C8A: variants seen among roughly 807,000 people sequenced by gnomAD.
C8A encodes the protein complement C8 alpha chain, also known as complement component C8 alpha chain.
A neutral mutation model predicts 65.3 loss-of-function variants in C8A; 67 were observed. That is an observed-to-expected ratio of 1.03 (90% CI 0.84 to 1.26). The LOEUF is 1.26. Among genes scored for constraint, C8A ranks in the 50% most tolerant of loss-of-function variants. The pLI, the probability that C8A is intolerant of heterozygous loss-of-function variation, is 0.00. For missense variants in C8A, 781 were observed against 723.9 expected, an observed-to-expected ratio of 1.08 and a Z score of -0.90; for synonymous variants, 290 against 259.4, an observed-to-expected ratio of 1.12 and a Z score of -1.13.
At chr1:56,858,077 C>T (rs985592013) in intron 1 of C8A, among the ~76,000 whole-genome samples, 1 of 152,122 alleles carries the variant, frequency 6.6e-6, no homozygotes, top group African/African-American at 2.4e-5. Flanking sequence ...TTAAATGTCT[C>T]ATTTGGTACC....
rs576319352 is a variant in C8A, at chr1:56,871,015, C to A, written c.171+3313C>A. 2.0e-5 allele frequency among the ~76,000 whole-genome samples: 3 copies of A among 152,232 alleles called. No individual in the cohort carries two copies. In the East Asian group the frequency reaches 5.8e-4, roughly 29 times the overall value. On this transcript the variant is annotated intron_variant, in intron 2 of 10. Coordinates refer to ENST00000361249, the MANE Select transcript of C8A (RefSeq NM_000562.3). ...TATTGGCACCAACCTTCCTGCCACA[C>A]AAATATCTTCATTATTTGATAGCAA...
intron 3 of C8A, 85 bp from the exon 4 acceptor site, chr1:56,875,977 T>C (rs1644194246): frequency 6.5e-7 from 1 of 1,530,280 alleles, no homozygotes. Flanking sequence ...GGTTTATTTC[T>C]GAGGAAGAAA....
At chr1:56,892,579 A>G (rs1644356270) in intron 7 of C8A, among the ~76,000 whole-genome samples, 1 of 151,886 alleles carries the variant, frequency 6.6e-6, no homozygotes, top group African/African-American at 2.4e-5. Flanking sequence ...TCCACAATCC[A>G]TCCCTTTCTC....
chr1:56,906,082 C>G (rs1315562839), intron 7 of C8A, among the ~76,000 whole-genome samples: 1 of 152,168 alleles, frequency 6.6e-6, no homozygotes, highest in Non-Finnish European at 1.5e-5. Flanking sequence ...TCTAGCAAGA[C>G]TTTGGCCTCT....
chr1:56,874,694 A>G (rs1210795528), intron 2 of C8A, among the ~76,000 whole-genome samples: 3 of 152,206 alleles, frequency 2.0e-5, no homozygotes, highest in Non-Finnish European at 2.9e-5. Context: ...AGCAAGTAGG[A>G]AGACCCTAGA....
At chr1:56,908,786 A>C (rs1453032932) in intron 9 of C8A, among the ~76,000 whole-genome samples, 1 of 152,232 alleles carries the variant, frequency 6.6e-6, no homozygotes, top group Non-Finnish European at 1.5e-5. Context: ...CATATAGCTC[A>C]GAGGTGGCAA....
intron 7 of C8A, among the ~76,000 whole-genome samples, chr1:56,897,862 C>G (rs1644398209): frequency 6.6e-6 from 1 of 152,124 alleles, no homozygotes; most frequent in African/African-American, 2.4e-5. Context: ...TCTGGGAACA[C>G]AGGGGTGAGA....
intron 10 of C8A, among the ~76,000 whole-genome samples, chr1:56,913,651 C>A (rs2772090): frequency 6.6e-6 from 1 of 152,090 alleles, no homozygotes; most frequent in East Asian, 1.9e-4. Flanking sequence ...TTTTCAGGCA[C>A]ATAAAACTGT....
At chr1:56,900,764 C>T (rs568265176) in intron 7 of C8A, among the ~76,000 whole-genome samples, 90 of 152,316 alleles carry the variant, frequency 5.9e-4, no homozygotes, top group African/African-American at 1.7e-3. Flanking sequence ...AGCCAATCCC[C>T]AAGCCCTCCT....
At position 56,898,767 on chromosome 1, in the gene C8A, T is replaced by A. The variant is rs115856424; in HGVS notation, c.1097-7900T>A. On this transcript the variant is annotated intron_variant, in intron 7 of 10. Coordinates refer to ENST00000361249, the MANE Select transcript of C8A (RefSeq NM_000562.3). ...ATTGAGCATGGCCCACAGCAGAGAC[T>A]CAGCGTCTTTCTAGCTGGGGTGGTT... Among the ~76,000 whole-genome samples the A allele has an allele frequency of 8.8e-3, 1,347 of 152,206 alleles. 50 individuals are homozygous for A. In the South Asian group the frequency reaches 0.12, roughly 13 times the overall value.
chr1:56,906,572 G>C, intron 7 of C8A, 95 bp from the exon 8 acceptor site: 1 of 1,496,880 alleles, frequency 6.7e-7, no homozygotes, highest in South Asian at 1.1e-5. Flanking sequence ...GGACTCCAAA[G>C]CTGAAGCTAG....
intron 7 of C8A, among the ~76,000 whole-genome samples, chr1:56,886,454 G>A (rs566301233): frequency 3.6e-4 from 55 of 152,172 alleles, no homozygotes; most frequent in African/African-American, 1.2e-3. Flanking sequence ...ATAATTGGGG[G>A]GATTTTGTTA....
At chr1:56,875,952 A>G (rs78799136) in intron 3 of C8A, 110 bp from the exon 4 acceptor site, 48,483 of 1,406,746 alleles carry the variant, frequency 0.034, 991 homozygotes, top group Non-Finnish European at 0.039. Flanking sequence ...CAGAAAGAGA[A>G]TGGGACAGAT....
At chr1:56,878,407 G>T (rs763830469) in intron 4 of C8A, among the ~76,000 whole-genome samples, 2 of 152,168 alleles carry the variant, frequency 1.3e-5, no homozygotes, top group Non-Finnish European at 2.9e-5. Context: ...ATATTGACAT[G>T]TTGAAATGAA....
intron 9 of C8A, among the ~76,000 whole-genome samples, chr1:56,908,472 G>A (rs1644483928): frequency 6.6e-6 from 1 of 152,300 alleles, no homozygotes; most frequent in Admixed American, 6.5e-5. Context: ...TCTGTAAAAG[G>A]TCAGATAGTA....
intron 1 of C8A, among the ~76,000 whole-genome samples, chr1:56,858,119 C>A (rs940383208): frequency 1.1e-4 from 16 of 152,098 alleles, no homozygotes; most frequent in Non-Finnish European, 1.5e-5. Context: ...TTCTCATTAT[C>A]CTCTTAATTC....
At chr1:56,892,583 C>T (rs905075082) in intron 7 of C8A, among the ~76,000 whole-genome samples, 1 of 152,084 alleles carries the variant, frequency 6.6e-6, no homozygotes, top group Admixed American at 6.6e-5. Flanking sequence ...CAATCCATCC[C>T]TTTCTCTCTA....
intron 2 of C8A, among the ~76,000 whole-genome samples, chr1:56,873,291 C>T (rs1180042420): frequency 6.6e-6 from 1 of 152,162 alleles, no homozygotes; most frequent in Non-Finnish European, 1.5e-5. Context: ...CAATAATATA[C>T]CAGAAACAGG....
At chr1:56,868,528 G>T (rs1644113544) in intron 2 of C8A, among the ~76,000 whole-genome samples, 1 of 152,048 alleles carries the variant, frequency 6.6e-6, no homozygotes, top group South Asian at 2.1e-4. Flanking sequence ...TGAGGCAGGA[G>T]GATCACTTGC....
Sources: gnomAD v4.1 joint callset for allele counts (sites outside exome capture counted in the v4.1 genomes callset) on GRCh38, gnomAD v4.1.1 for gene constraint, MANE v1.5 for transcripts, NCBI Gene and HGNC (gene_info 2026-07-23, HGNC 2026-07-21) for gene names.